The following MSRB3 variants were observed in gnomAD, a reference collection of about 807,000 sequenced individuals.
MSRB3 encodes the protein methionine sulfoxide reductase B3, also known as methionine-R-sulfoxide reductase B3.
MSRB3 carries 13 observed loss-of-function variants against 21.0 expected under a neutral mutation model. The observed-to-expected ratio is 0.62, with a 90% confidence interval of 0.40 to 0.98. MSRB3 has a LOEUF of 0.98. Ranked by LOEUF, MSRB3 falls within the 50% of genes least tolerant of loss-of-function variation. The pLI is 0.00. For synonymous variants in MSRB3, 87 were observed against 88.6 expected, an observed-to-expected ratio of 0.98 and a Z score of 0.10; for missense variants, 199 against 230.3, an observed-to-expected ratio of 0.86 and a Z score of 0.88.
At chr12:65,418,261 C>T (rs567909668) in intron 5 of MSRB3, among the ~76,000 whole-genome samples, 14 of 152,300 alleles carry the variant, frequency 9.2e-5, no homozygotes, top group African/African-American at 3.4e-4. Flanking sequence ...CAAGTCACCA[C>T]ACCCAGCTAA....
intron 1 of MSRB3, among the ~76,000 whole-genome samples, chr12:65,280,603 G>T (rs1592481463): frequency 1.3e-5 from 2 of 152,232 alleles, no homozygotes; most frequent in South Asian, 4.1e-4. Context: ...TGATATATCA[G>T]TCTAATTTCT....
chr12:65,428,680 A>G (rs1011732207), intron 5 of MSRB3, among the ~76,000 whole-genome samples: 10 of 152,178 alleles, frequency 6.6e-5, no homozygotes, highest in African/African-American at 2.2e-4. Flanking sequence ...CTAATTGACT[A>G]TGGGATGAAA....
intron 5 of MSRB3, among the ~76,000 whole-genome samples, chr12:65,452,914 C>T (rs894469824): frequency 1.3e-5 from 2 of 152,166 alleles, no homozygotes; most frequent in African/African-American, 4.8e-5. Context: ...TAACTCCAGA[C>T]ATATTTTGGG....
chr12:65,284,969 T>C (rs945219412), intron 1 of MSRB3: 14 of 152,180 alleles, frequency 9.2e-5, no homozygotes, highest in African/African-American at 3.4e-4. Flanking sequence ...CTAAATGTCT[T>C]CATCATCACC....
At chr12:65,338,765 A>G (rs1230395097) in intron 4 of MSRB3, among the ~76,000 whole-genome samples, 2 of 152,222 alleles carry the variant, frequency 1.3e-5, no homozygotes, top group Admixed American at 1.3e-4. Flanking sequence ...TGCCAATTCT[A>G]GGCATGAGAA....
chr12:65,440,872 G>T (rs1196581094), intron 5 of MSRB3, among the ~76,000 whole-genome samples: 1 of 151,860 alleles, frequency 6.6e-6, no homozygotes, highest in Non-Finnish European at 1.5e-5. Flanking sequence ...TATTTAACAA[G>T]TTATCTATTT....
rs567503543 is a variant in MSRB3 at position 65,381,457 on chromosome 12, A to G, written c.292+12431A>G. On this transcript the variant is annotated intron_variant, in intron 5 of 6. Transcript: ENST00000308259. Reference sequence around the variant, plus strand: ...TGTGTAGAAAATTTTGCTATAGCACATTACTTGGTTGCAGGCTTAAGATTT... The same window carrying G: ...TGTGTAGAAAATTTTGCTATAGCACGTTACTTGGTTGCAGGCTTAAGATTT... 3.7e-4 allele frequency among the ~76,000 whole-genome samples: 57 copies of G among 152,258 alleles called. 1 individual carries two copies. The South Asian group carries it at 0.012, about 31-fold the overall frequency.
intron 2 of MSRB3, among the ~76,000 whole-genome samples, chr12:65,322,072 T>A (rs920673443): frequency 6.6e-6 from 1 of 152,166 alleles, no homozygotes; most frequent in Non-Finnish European, 1.5e-5. Flanking sequence ...TTAAAAGTAC[T>A]CTAAGGTTTA....
intron 4 of MSRB3, among the ~76,000 whole-genome samples, chr12:65,340,308 T>A (rs1460296882): frequency 1.3e-5 from 2 of 152,014 alleles, no homozygotes; most frequent in Admixed American, 1.3e-4. Context: ...GTAGAAAATA[T>A]CCAGACTGAA....
At chr12:65,395,853 C>T (rs1423332420) in intron 5 of MSRB3, among the ~76,000 whole-genome samples, 1 of 152,032 alleles carries the variant, frequency 6.6e-6, no homozygotes, top group African/African-American at 2.4e-5. Context: ...TAGTGATGAC[C>T]TCTTTTTCAT....
At chr12:65,311,915 T>A (rs1166443261) in intron 2 of MSRB3, among the ~76,000 whole-genome samples, 1 of 152,084 alleles carries the variant, frequency 6.6e-6, no homozygotes, top group Non-Finnish European at 1.5e-5. Flanking sequence ...CTTATTTTTT[T>A]AATAAAGTAT....
intron 6 of MSRB3, among the ~76,000 whole-genome samples, chr12:65,460,586 A>T (rs1028237933): frequency 6.6e-6 from 1 of 152,164 alleles, no homozygotes; most frequent in Non-Finnish European, 1.5e-5. Flanking sequence ...CTCTTCCAGA[A>T]CACCCTGTGG....
chr12:65,380,030 A>G (rs1013115476), intron 5 of MSRB3, among the ~76,000 whole-genome samples: 1 of 152,242 alleles, frequency 6.6e-6, no homozygotes, highest in African/African-American at 2.4e-5. Context: ...CTGTAGGTTC[A>G]GGGTAATTTG....
intron 4 of MSRB3, among the ~76,000 whole-genome samples, chr12:65,361,414 G>A (rs961308259): frequency 2.9e-4 from 44 of 152,078 alleles, no homozygotes; most frequent in South Asian, 2.1e-4. Flanking sequence ...CAACTGTTAC[G>A]TGAATATGGA....
intron 5 of MSRB3, among the ~76,000 whole-genome samples, chr12:65,424,329 T>C (rs1383445464): frequency 6.6e-6 from 1 of 152,084 alleles, no homozygotes; most frequent in East Asian, 1.9e-4. Context: ...CTCTGATTTT[T>C]ATTATTTTCT....
rs569327071 is a variant in MSRB3, at chr12:65,348,962, G to A, written c.264-20036G>A. ...TAGGGTACATGTGCACAATGTGCAG[G>A]TTAGTTACATATGTATACATGTGCC... On this transcript the variant is annotated intron_variant, in intron 4 of 6. Transcript: ENST00000308259. Among the ~76,000 whole-genome samples, 12 of 152,118 alleles carry A rather than the reference G, an allele frequency of 7.9e-5. No individual in the cohort carries two copies. In the East Asian group the frequency reaches 2.1e-3, roughly 27 times the overall value.
intron 1 of MSRB3, among the ~76,000 whole-genome samples, chr12:65,299,013 A>T (rs1873152609): frequency 6.6e-6 from 1 of 152,132 alleles, no homozygotes; most frequent in African/African-American, 2.4e-5. Context: ...TTTTATAAAA[A>T]ACCTGCACAT....
chr12:65,431,101 T>C (rs1204116464), intron 5 of MSRB3, among the ~76,000 whole-genome samples: 1 of 152,078 alleles, frequency 6.6e-6, no homozygotes, highest in African/African-American at 2.4e-5. Flanking sequence ...AAAATTCTTT[T>C]ATTCCCCAAA....
At chr12:65,281,939 C>T (rs1872047680) in intron 1 of MSRB3, 1 of 152,206 alleles carries the variant, frequency 6.6e-6, no homozygotes, top group South Asian at 2.1e-4. Context: ...TGTTAGTTAG[C>T]ATTTCTTCTT....
Sources: gnomAD v4.1 joint callset for allele counts (sites outside exome capture counted in the v4.1 genomes callset) on GRCh38, gnomAD v4.1.1 for gene constraint, MANE v1.5 for transcripts, NCBI Gene and HGNC (gene_info 2026-07-23, HGNC 2026-07-21) for gene names.